The following PTPN3 variants were observed in gnomAD, a reference collection of about 807,000 sequenced individuals.
PTPN3 encodes tyrosine-protein phosphatase non-receptor type 3.
Under a neutral mutation model 132.7 loss-of-function variants are expected in PTPN3, and 96 were observed. The ratio of observed to expected loss-of-function variants is 0.72; its 90% CI spans 0.61 to 0.86. The LOEUF is 0.86. PTPN3 is among the 40% of genes least tolerant of loss of function. The probability of loss-of-function intolerance (pLI) is 0.00; values close to 1 mark genes in which losing one functional copy is unlikely to be tolerated. For missense variants in PTPN3, 1,125 were observed against 1,159.6 expected, an observed-to-expected ratio of 0.97 and a Z score of 0.43; for synonymous variants, 398 against 429.0, an observed-to-expected ratio of 0.93 and a Z score of 0.89.
intron 21 of PTPN3, 132 bp from the exon 22 acceptor site, chr9:109,389,511 T>A (rs755035052): frequency 1.1e-6 from 1 of 926,950 alleles, no homozygotes; most frequent in East Asian, 2.7e-5. Flanking sequence ...TCACAGCCAA[T>A]AAGGAAAATC....
intron 19 of PTPN3, among the ~76,000 whole-genome samples, chr9:109,394,918 T>A (rs550935402): frequency 6.6e-6 from 1 of 152,172 alleles, no homozygotes; most frequent in East Asian, 1.9e-4. Flanking sequence ...GGCGGGCAGA[T>A]CACGAGGTCA....
Position 109,427,042 on chromosome 9 carries a change from C to T in PTPN3, c.909G>A (p.Glu303=). 2 of 1,613,774 alleles carry T rather than the reference C, an allele frequency of 1.2e-6. No individual in the cohort carries two copies. The highest frequency in any genetic ancestry group is 1.7e-6 in the Non-Finnish European group (2 of 1,179,680). The change falls in exon 12 of 26, where the codon GAG becomes GAA. Residue 303 remains glutamate, a synonymous_variant. Coordinates refer to ENST00000374541, the MANE Select transcript of PTPN3 (RefSeq NM_002829.4). ...SCKNLWKSCV[E]HHTFFQAKKL... ...TCTTTGCCTGAAAGAACGTATGGTG[C>T]TCAACACAGGATTTCCACAAGTTTT...
At chr9:109,459,933 G>T (rs932324240) in intron 2 of PTPN3, among the ~76,000 whole-genome samples, 1 of 151,936 alleles carries the variant, frequency 6.6e-6, no homozygotes, top group African/African-American at 2.4e-5. Context: ...GCTTCTCAGG[G>T]GATCTCCTCC....
chr9:109,386,107 G>A (rs1267248157), intron 22 of PTPN3, among the ~76,000 whole-genome samples: 1 of 152,210 alleles, frequency 6.6e-6, no homozygotes, highest in African/African-American at 2.4e-5. Context: ...CTCACTTGGA[G>A]TGACCGACTC....
At chr9:109,525,152 A>G in the PTPN3 span, among the ~76,000 whole-genome samples, 6 of 152,110 alleles carry the variant, frequency 3.9e-5, no homozygotes, top group Non-Finnish European at 7.4e-5. Context: ...CTCTGGCTCA[A>G]GTGATCCTTC....
the PTPN3 span, chr9:109,533,559 C>G: frequency 6.3e-7 from 1 of 1,597,636 alleles, no homozygotes; most frequent in East Asian, 2.2e-5. Flanking sequence ...TCATTGCCGT[C>G]CTCTCTAGGC....
intron 4 of PTPN3, among the ~76,000 whole-genome samples, chr9:109,456,415 CCA>C (rs896405322): frequency 1.9e-4 from 29 of 152,156 alleles, no homozygotes; most frequent in African/African-American, 5.8e-4. Flanking sequence ...AGGGAGCCAC[CCA>C]CAGTTTCTAG....
intron 1 of PTPN3, among the ~76,000 whole-genome samples, chr9:109,496,644 G>A (rs1285528340): frequency 6.6e-6 from 1 of 152,182 alleles, no homozygotes; most frequent in Admixed American, 6.5e-5. Context: ...AAAAGCACAA[G>A]ATGAAATTCT....
At chr9:109,448,609 A>G (rs1031862240) in intron 6 of PTPN3, among the ~76,000 whole-genome samples, 1 of 152,182 alleles carries the variant, frequency 6.6e-6, no homozygotes, top group African/African-American at 2.4e-5. Context: ...ATAACATGAA[A>G]CAAAGTTATC....
chr9:109,505,954 T>C, the PTPN3 span, among the ~76,000 whole-genome samples: 1 of 151,960 alleles, frequency 6.6e-6, no homozygotes, highest in Admixed American at 6.6e-5. Flanking sequence ...GGTTTCACCG[T>C]GTTAGCCAGG....
chr9:109,503,146 G>T (rs1847880254), upstream of PTPN3, among the ~76,000 whole-genome samples: 1 of 152,082 alleles, frequency 6.6e-6, no homozygotes, highest in South Asian at 2.1e-4. Context: ...CTCCAGAATT[G>T]CTCAAAAAAA....
chr9:109,480,739 G>C, intron 1 of PTPN3, among the ~76,000 whole-genome samples: 1 of 152,110 alleles, frequency 6.6e-6, no homozygotes, highest in East Asian at 1.9e-4. Flanking sequence ...CTCTGGTCTT[G>C]CTGAGTGGAG....
At chr9:109,390,001 G>A (rs1839925356) in intron 21 of PTPN3, among the ~76,000 whole-genome samples, 1 of 152,300 alleles carries the variant, frequency 6.6e-6, no homozygotes, top group East Asian at 1.9e-4. Flanking sequence ...GCTGAGCTTT[G>A]GGCTGGCACT....
intron 1 of PTPN3, among the ~76,000 whole-genome samples, chr9:109,494,617 C>A (rs184379584): frequency 6.6e-6 from 1 of 152,264 alleles, no homozygotes; most frequent in African/African-American, 2.4e-5. Flanking sequence ...ATGGTTAGAA[C>A]TACGCTCCAC....
At chr9:109,478,930 G>C (rs1037497692) in intron 1 of PTPN3, among the ~76,000 whole-genome samples, 1 of 151,938 alleles carries the variant, frequency 6.6e-6, no homozygotes, top group African/African-American at 2.4e-5. Context: ...TGCCAAAGAC[G>C]TGCTCCTCCC....
intron 19 of PTPN3, among the ~76,000 whole-genome samples, chr9:109,402,520 C>T (rs555115327): frequency 3.0e-4 from 46 of 152,120 alleles, no homozygotes; most frequent in Non-Finnish European, 5.3e-4. Context: ...CTCAGGTGAT[C>T]CACTCGCCTC....
chr9:109,521,387 C>A, the PTPN3 span, among the ~76,000 whole-genome samples: 3 of 152,040 alleles, frequency 2.0e-5, no homozygotes, highest in African/African-American at 7.2e-5. Context: ...TTCGAACTCC[C>A]GAACTTAGGT....
intron 1 of PTPN3, among the ~76,000 whole-genome samples, chr9:109,468,468 G>T (rs891267990): frequency 6.6e-6 from 1 of 151,980 alleles, no homozygotes; most frequent in African/African-American, 2.4e-5. Context: ...CCGGGTTCAC[G>T]CCATTCTCCT....
intron 5 of PTPN3, chr9:109,449,580 C>A (rs1845111419): frequency 2.0e-6 from 2 of 985,450 alleles, no homozygotes; most frequent in South Asian, 9.4e-5. Flanking sequence ...GGAAAGGAGG[C>A]CTTCGGCAGC....
Sources: gnomAD v4.1 joint callset for allele counts (sites outside exome capture counted in the v4.1 genomes callset) on GRCh38, gnomAD v4.1.1 for gene constraint, MANE v1.5 for transcripts, NCBI Gene and HGNC (gene_info 2026-07-23, HGNC 2026-07-21) for gene names.